Variants in DCC observed in about 807,000 individuals in gnomAD.
DCC encodes netrin receptor DCC.
Under a neutral mutation model 172.5 loss-of-function variants are expected in DCC, and 58 were observed. That is an observed-to-expected ratio of 0.34 (90% CI 0.27 to 0.42). The LOEUF (loss-of-function observed/expected upper bound fraction) is 0.42. Ranked by LOEUF, DCC falls within the 10% of genes least tolerant of loss-of-function variation. DCC has a pLI of 1.00. For synonymous variants in DCC, 709 were observed against 644.5 expected, an observed-to-expected ratio of 1.10 and a Z score of -1.52; for missense variants, 1,740 against 1,791.0, an observed-to-expected ratio of 0.97 and a Z score of 0.51.
At position 53,019,789 on chromosome 18, in the gene DCC, A is replaced by G. The variant is rs546244163; in HGVS notation, c.986-43516A>G. ...AGGGTCATTTGTTTACTTATTATGT[A>G]TGGTTGCTTTTGTGCTGCAATACCA... On this transcript the variant is annotated intron_variant, in intron 5 of 28. Coordinates refer to ENST00000442544, the MANE Select transcript of DCC (RefSeq NM_005215.4). Among the ~76,000 whole-genome samples, 15 of 152,270 alleles carry G rather than the reference A, an allele frequency of 9.9e-5. No homozygotes were observed. The South Asian group carries it at 2.9e-3, about 29-fold the overall frequency.
chr18:52,884,354 T>C (rs1276190217), intron 2 of DCC, among the ~76,000 whole-genome samples: 1 of 152,112 alleles, frequency 6.6e-6, no homozygotes, highest in Non-Finnish European at 1.5e-5. Flanking sequence ...GTCTATTTTC[T>C]AGATCTTGTA....
intron 3 of DCC, among the ~76,000 whole-genome samples, chr18:52,915,332 T>C (rs12327371): frequency 0.013 from 1,954 of 152,170 alleles, 17 homozygotes; most frequent in Non-Finnish European, 0.021. Context: ...GGGTCCCAGG[T>C]TGGATAATTT....
At chr18:53,439,899 G>A (rs943647089) in intron 22 of DCC, among the ~76,000 whole-genome samples, 4 of 148,840 alleles carry the variant, frequency 2.7e-5, no homozygotes, top group Non-Finnish European at 4.5e-5. Flanking sequence ...CAAGTAGCTG[G>A]GACTACAGGC....
Position 53,486,805 on chromosome 18 carries a change from A to T in DCC, c.3745A>T (p.Ser1249Cys). ...DAQSNNPAVV[S>C]AIPVPTLESA... The stretch of plus-strand genomic sequence containing the variant: ...ACCTTTTTCTTTTGCAGCTGTCGTG[A>T]GCGCCATCCCGGTGCCAACGCTAGA... The change falls in exon 26 of 29, where the codon AGC becomes TGC. Residue 1249 changes from serine (S) to cysteine (C), a missense_variant. Around this residue, in one of 2 missense-constraint regions of DCC, gnomAD observed 1,732 missense variants for 1,767.4 expected, o/e 0.98. Transcript: ENST00000442544. 6.2e-7 allele frequency: 1 copy of T among 1,614,114 alleles called. No individual in the cohort carries two copies. The highest frequency in any genetic ancestry group is 8.5e-7 in the Non-Finnish European group (1 of 1,180,026).
intron 1 of DCC, among the ~76,000 whole-genome samples, chr18:52,500,508 T>C (rs1451531177): frequency 6.6e-6 from 1 of 152,204 alleles, no homozygotes; most frequent in Non-Finnish European, 1.5e-5. Flanking sequence ...TTGCAGGGAA[T>C]GCCAAACAAG....
chr18:52,625,625 AACCTCTCGGCTCT>A, intron 1 of DCC, among the ~76,000 whole-genome samples: 1 of 152,140 alleles, frequency 6.6e-6, no homozygotes, highest in Non-Finnish European at 1.5e-5. Flanking sequence ...GCAGGCAAAC[AACCTCTCGGCTCT>A]ACCTGCCACC....
chr18:53,509,431 G>GACAT (rs1222167116), intron 27 of DCC, among the ~76,000 whole-genome samples: 10 of 152,218 alleles, frequency 6.6e-5, no homozygotes, highest in Admixed American at 5.9e-4. Context: ...ATCACCTGCA[G>GACAT]ACATTATGAA....
chr18:52,900,158 G>C (rs576711465), intron 2 of DCC, among the ~76,000 whole-genome samples: 2 of 152,284 alleles, frequency 1.3e-5, no homozygotes, highest in African/African-American at 4.8e-5. Context: ...TTACTGCATT[G>C]AACTATTAAG....
At chr18:52,896,430 T>C (rs781137974) in intron 2 of DCC, among the ~76,000 whole-genome samples, 129 of 152,312 alleles carry the variant, frequency 8.5e-4, no homozygotes, top group South Asian at 2.1e-3. Flanking sequence ...AGAGCTAAGA[T>C]GAAAGATAGT....
intron 1 of DCC, among the ~76,000 whole-genome samples, chr18:52,458,265 C>T (rs1988520155): frequency 6.6e-6 from 1 of 152,162 alleles, no homozygotes; most frequent in Admixed American, 6.5e-5. Flanking sequence ...CATCCTGGTC[C>T]TGACAGTAGT....
At chr18:53,391,263 T>C (rs1228338748) in intron 16 of DCC, among the ~76,000 whole-genome samples, 1 of 152,154 alleles carries the variant, frequency 6.6e-6, no homozygotes, top group Non-Finnish European at 1.5e-5. Flanking sequence ...AGAAATAAAC[T>C]GGAACCCCCA....
At chr18:52,565,278 G>A (rs150699479) in intron 1 of DCC, among the ~76,000 whole-genome samples, 2 of 152,250 alleles carry the variant, frequency 1.3e-5, no homozygotes, top group East Asian at 3.9e-4. Flanking sequence ...CTTTGCTATT[G>A]TGAATGGTGC....
chr18:53,102,549 T>C (rs947931289), intron 7 of DCC, among the ~76,000 whole-genome samples: 1 of 152,116 alleles, frequency 6.6e-6, no homozygotes, highest in Non-Finnish European at 1.5e-5. Flanking sequence ...GCTGTATTGA[T>C]GTGGGTGAGT....
At chr18:52,820,946 G>GA (rs1005224603) in intron 2 of DCC, among the ~76,000 whole-genome samples, 2 of 151,892 alleles carry the variant, frequency 1.3e-5, no homozygotes, top group African/African-American at 2.4e-5. Flanking sequence ...CTCACCTGGA[G>GA]AAAAAAAATT....
chr18:53,167,339 C>G (rs1475349823), intron 8 of DCC, among the ~76,000 whole-genome samples: 1 of 152,166 alleles, frequency 6.6e-6, no homozygotes. Flanking sequence ...ATTCAGCTAA[C>G]ACAAACACTT....
intron 5 of DCC, among the ~76,000 whole-genome samples, chr18:52,968,009 C>T (rs1451271439): frequency 6.6e-6 from 1 of 152,134 alleles, no homozygotes; most frequent in African/African-American, 2.4e-5. Context: ...AAATTTCTCT[C>T]TTTGTAGTTG....
rs188011274 is a variant in DCC, at chr18:52,834,763, T to C, written c.413-71281T>C. The stretch of plus-strand genomic sequence containing the variant: ...GTGACACCATTTTTTTAATTCTCTG[T>C]GGTCTTCCTTGTGATTAGATGAGTA... On this transcript the variant is annotated intron_variant, in intron 2 of 28. Transcript: ENST00000442544. Among the ~76,000 whole-genome samples, 552 of 152,336 alleles carry C rather than the reference T, an allele frequency of 3.6e-3. 2 individuals carry two copies. The highest frequency in any genetic ancestry group is 8.6e-3 in the Admixed American group (131 of 15,296).
intron 1 of DCC, among the ~76,000 whole-genome samples, chr18:52,458,411 G>A (rs1332673683): frequency 2.0e-5 from 3 of 152,084 alleles, no homozygotes; most frequent in African/African-American, 7.2e-5. Context: ...ACTCTATGTC[G>A]TTCAATCTTA....
intron 1 of DCC, among the ~76,000 whole-genome samples, chr18:52,549,816 C>CT (rs555834824): frequency 1.1e-3 from 159 of 148,476 alleles, no homozygotes; most frequent in African/African-American, 3.0e-3. Context: ...CCAGGCACTG[C>CT]TTTTTTTTTT....
Sources: gnomAD v4.1 joint callset for allele counts (sites outside exome capture counted in the v4.1 genomes callset) on GRCh38, gnomAD v4.1.1 for gene constraint, gnomAD v4.1.1 regional missense constraint, MANE v1.5 for transcripts, NCBI Gene and HGNC (gene_info 2026-07-23, HGNC 2026-07-21) for gene names.